ATP8A2: variants seen among roughly 807,000 people sequenced by gnomAD.
ATP8A2 encodes the protein ATPase phospholipid transporting 8A2.
ATP8A2 carries 100 observed loss-of-function variants against 165.6 expected under a neutral mutation model. The observed-to-expected ratio is 0.60, with a 90% CI of 0.51 to 0.71. ATP8A2 has a LOEUF of 0.71. Among genes scored for constraint, ATP8A2 ranks in the 30% least tolerant of loss-of-function variants. The pLI is 0.00. For synonymous variants in ATP8A2, 543 were observed against 548.8 expected, an observed-to-expected ratio of 0.99 and a Z score of 0.15; for missense variants, 1,227 against 1,479.5, an observed-to-expected ratio of 0.83 and a Z score of 2.80.
At chr13:25,572,896 T>C (rs1019628075) in intron 18 of ATP8A2, among the ~76,000 whole-genome samples, 2 of 152,224 alleles carry the variant, frequency 1.3e-5, no homozygotes, top group African/African-American at 4.8e-5. Flanking sequence ...AAGTTTTTTC[T>C]TTTAGTTATA....
At chr13:25,595,759 A>G (rs1228102760) in intron 24 of ATP8A2, among the ~76,000 whole-genome samples, 1 of 152,170 alleles carries the variant, frequency 6.6e-6, no homozygotes, top group Non-Finnish European at 1.5e-5. Flanking sequence ...ACCTGATATT[A>G]AAAGTAGGGT....
chr13:25,446,273 G>A (rs1459219621), intron 1 of ATP8A2, among the ~76,000 whole-genome samples: 1 of 152,142 alleles, frequency 6.6e-6, no homozygotes, highest in Non-Finnish European at 1.5e-5. Flanking sequence ...CTCTAATGGT[G>A]CTTGGAATGC....
At chr13:25,739,212 G>A (rs1435748453) in intron 25 of ATP8A2, among the ~76,000 whole-genome samples, 6 of 152,210 alleles carry the variant, frequency 3.9e-5, no homozygotes, top group South Asian at 2.1e-4. Flanking sequence ...ACATGCTAAT[G>A]CAGGGCCCAG....
intron 15 of ATP8A2, among the ~76,000 whole-genome samples, chr13:25,561,203 C>A (rs1305390545): frequency 6.6e-6 from 1 of 152,160 alleles, no homozygotes; most frequent in Admixed American, 6.5e-5. Flanking sequence ...GCCATTCTGT[C>A]TCTGAGTTTC....
Position 25,999,610 on chromosome 13 carries a change from T to C in ATP8A2, c.3378-12921T>C, listed in dbSNP as rs544311666. Among the ~76,000 whole-genome samples, 31 of 152,272 alleles carry C rather than the reference T, an allele frequency of 2.0e-4. No homozygotes were observed. In the South Asian group the frequency reaches 5.8e-3, roughly 29 times the overall value. ...TCTCTGTAAGGGCATCATCACCTTA[T>C]AGCATGGTAAGTGTCTGCACGGCGA... On this transcript the variant is annotated intron_variant, in intron 35 of 36. Transcript: ENST00000381655.
chr13:25,968,619 A>G lies in ATP8A2; in HGVS notation c.3317A>G (p.Glu1106Gly), dbSNP rs749165585. 2.5e-6 allele frequency: 4 copies of G among 1,613,944 alleles called. No homozygotes were observed. The Admixed American group carries it at 6.7e-5, about 27-fold the overall frequency. Residue 1106 changes from glutamate (E) to glycine (G), a missense_variant, in exon 35 of 37, where the codon GAG becomes GGG. Around this residue, in one of 5 missense-constraint regions of ATP8A2, gnomAD observed 260 missense variants for 245.1 expected, o/e 1.06. Coordinates refer to ENST00000381655, the MANE Select transcript of ATP8A2 (RefSeq NM_016529.6). ...CKKTLLEEVQ[E>G]LETKSRVLGK... is the part of the protein sequence containing the mutation. ...AAGACATTGCTGGAGGAGGTGCAGG[A>G]GCTGGAAACCAAGTCTCGAGTCCTG...
intron 24 of ATP8A2, among the ~76,000 whole-genome samples, chr13:25,637,690 A>G (rs4433661): frequency 0.95 from 145,349 of 152,262 alleles, 69,481 homozygotes; most frequent in Non-Finnish European, 0.98. Context: ...GGCAGGGCAT[A>G]GCCAAACAAA....
chr13:25,439,073 A>C (rs1162542551), intron 1 of ATP8A2, among the ~76,000 whole-genome samples: 2 of 152,222 alleles, frequency 1.3e-5, no homozygotes, highest in Non-Finnish European at 2.9e-5. Flanking sequence ...TACTGAGCCC[A>C]GTATTGAACT....
chr13:25,768,845 T>C lies in ATP8A2; in HGVS notation c.2385-201T>C, dbSNP rs1017605340. 2.8e-4 allele frequency among the ~76,000 whole-genome samples: 43 copies of C among 152,246 alleles called. 1 individual carries two copies. Among genetic ancestry groups the C allele is most frequent in the Admixed American group, 9.2e-4 (14 of 15,286 alleles). ...TGTTTTAAGTTAGTTTTCTGTTGTA[T>C]ATTTCATCTGAGAAGTTGGCAAATA... On this transcript the variant is annotated intron_variant, in intron 25 of 36. Coordinates refer to ENST00000381655, the MANE Select transcript of ATP8A2 (RefSeq NM_016529.6).
intron 27 of ATP8A2, among the ~76,000 whole-genome samples, chr13:25,794,990 G>A (rs1302047733): frequency 2.6e-5 from 4 of 151,874 alleles, no homozygotes; most frequent in East Asian, 1.9e-4. Flanking sequence ...TCAGCCTCCC[G>A]AGAGTGATCC....
chr13:25,824,588 C>G (rs905803829), intron 27 of ATP8A2, among the ~76,000 whole-genome samples: 3 of 152,126 alleles, frequency 2.0e-5, no homozygotes, highest in Non-Finnish European at 4.4e-5. Context: ...CTGCTCTGGT[C>G]TCCTATCACT....
chr13:25,398,511 C>T (rs1477183142), intron 1 of ATP8A2, among the ~76,000 whole-genome samples: 6 of 152,196 alleles, frequency 3.9e-5, no homozygotes, highest in African/African-American at 1.4e-4. Context: ...TTACAGCTTT[C>T]ATATGTACAA....
chr13:25,772,339 T>C (rs1289891016), intron 26 of ATP8A2, among the ~76,000 whole-genome samples: 3 of 152,176 alleles, frequency 2.0e-5, no homozygotes, highest in African/African-American at 7.2e-5. Context: ...GCATTCAGGA[T>C]GACTCAAGCA....
chr13:25,975,242 A>T (rs1956005374), intron 35 of ATP8A2, among the ~76,000 whole-genome samples: 1 of 152,136 alleles, frequency 6.6e-6, no homozygotes, highest in African/African-American at 2.4e-5. Flanking sequence ...TGCTGTGCTG[A>T]TGGCAGCCTG....
At chr13:25,570,316 C>T (rs1049868017) in intron 16 of ATP8A2, among the ~76,000 whole-genome samples, 8 of 152,002 alleles carry the variant, frequency 5.3e-5, no homozygotes, top group Admixed American at 3.3e-4. Context: ...GAGGATCTTG[C>T]GAGAGTGAGG....
Position 25,715,240 on chromosome 13 carries a change from T to C in ATP8A2, c.2384+15895T>C, listed in dbSNP as rs543796275. Among the ~76,000 whole-genome samples, 256 of 152,290 alleles carry C rather than the reference T, an allele frequency of 1.7e-3. 2 individuals are homozygous for C. The highest frequency in any genetic ancestry group is 5.3e-3 in the African/African-American group (221 of 41,558). Reference sequence around the variant, plus strand: ...GAATCACCCAGGTCTGCAAGTCTCATTGGAACTTGGACTTGCTCCTCAGTG... The same window carrying C: ...GAATCACCCAGGTCTGCAAGTCTCACTGGAACTTGGACTTGCTCCTCAGTG... On this transcript the variant is annotated intron_variant, in intron 25 of 36. Coordinates refer to ENST00000381655, the MANE Select transcript of ATP8A2 (RefSeq NM_016529.6).
chr13:25,792,011 A>T (rs2045192207), intron 27 of ATP8A2, among the ~76,000 whole-genome samples: 2 of 152,220 alleles, frequency 1.3e-5, no homozygotes, highest in South Asian at 4.1e-4. Flanking sequence ...TTGATGTACC[A>T]GAACCTAAAT....
intron 20 of ATP8A2, 87 bp from the exon 21 acceptor site, chr13:25,578,728 G>T: frequency 1.2e-6 from 1 of 814,420 alleles, no homozygotes. Context: ...ATGCATGTTA[G>T]ATAAACAGAA....
rs2033702425 is a variant in ATP8A2 at position 25,403,449 on chromosome 13, A to G, written c.76+31161A>G. ...AATATTGAGTTAAATCAGGCTTGGA[A>G]AGTACAGCAATGTACTGTGCTAGAG... On this transcript the variant is annotated intron_variant, in intron 1 of 36. Coordinates refer to ENST00000381655, the MANE Select transcript of ATP8A2 (RefSeq NM_016529.6). Among the ~76,000 whole-genome samples, 7 of 152,332 alleles carry G rather than the reference A, an allele frequency of 4.6e-5. No homozygotes were observed. In the South Asian group the frequency reaches 1.5e-3, roughly 32 times the overall value.
Sources: allele counts gnomAD v4.1 joint callset (sites outside exome capture counted in the v4.1 genomes callset), GRCh38; gene constraint gnomAD v4.1.1; regional missense constraint gnomAD v4.1.1; transcripts MANE v1.5; gene names NCBI Gene and HGNC (gene_info 2026-07-23, HGNC 2026-07-21).